Variants in TTLL5 observed in about 807,000 individuals in gnomAD.
TTLL5 encodes tubulin tyrosine ligase like 5.
Under a neutral mutation model 168.4 loss-of-function variants are expected in TTLL5, and 132 were observed. The ratio of observed to expected loss-of-function variants is 0.78; its 90% CI spans 0.68 to 0.91. The LOEUF is 0.91. TTLL5 is among the 40% of genes least tolerant of loss of function. The pLI is 0.00. For missense variants in TTLL5, 1,545 were observed against 1,581.5 expected (o/e 0.98, Z 0.39); for synonymous variants, 546 against 558.6 (o/e 0.98, Z 0.32).
At chr14:75,752,181 T>A (rs1889995848) in intron 17 of TTLL5, among the ~76,000 whole-genome samples, 1 of 152,228 alleles carries the variant, frequency 6.6e-6, no homozygotes, top group Non-Finnish European at 1.5e-5. Context: ...ACAGACCTCC[T>A]GTCTCATCCT....
intron 31 of TTLL5, among the ~76,000 whole-genome samples, chr14:75,925,386 C>G (rs1186668516): frequency 1.8e-5 from 2 of 112,974 alleles, no homozygotes; most frequent in South Asian, 6.2e-4. Context: ...GGGTCGCGAC[C>G]GGGCAGAGGC....
chr14:75,880,854 C>T lies in TTLL5; in HGVS notation c.3523-1831C>T, dbSNP rs1019910716. 2.0e-5 allele frequency among the ~76,000 whole-genome samples: 3 copies of T among 152,330 alleles called. No individual in the cohort carries two copies. The East Asian group carries it at 5.8e-4, about 29-fold the overall frequency. On this transcript the variant is annotated intron_variant, in intron 29 of 31. Coordinates refer to ENST00000298832, the MANE Select transcript of TTLL5 (RefSeq NM_015072.5). ...CCATCCGGAAACCTCCCCATGTGTA[C>T]ATGCTCAACAGTGCTGCCCTCCTGG... is the stretch of plus-strand genomic sequence containing the variant.
At chr14:75,676,912 T>A (rs1239310002) in intron 3 of TTLL5, among the ~76,000 whole-genome samples, 1 of 152,028 alleles carries the variant, frequency 6.6e-6, no homozygotes, top group African/African-American at 2.4e-5. Flanking sequence ...TAGCTTGGAC[T>A]AGAGACATGT....
chr14:75,837,020 A>T (rs2139828732), intron 28 of TTLL5: 1 of 152,316 alleles, frequency 6.6e-6, no homozygotes, highest in East Asian at 1.9e-4. Flanking sequence ...AATAATAAAC[A>T]TTTATTATTT....
chr14:75,947,462 T>C (rs1173146571), intron 31 of TTLL5, among the ~76,000 whole-genome samples: 1 of 152,242 alleles, frequency 6.6e-6, no homozygotes, highest in Admixed American at 6.5e-5. Flanking sequence ...TCTCGTCAAC[T>C]TACTTTAACT....
chr14:75,706,404 G>A (rs957842136), intron 7 of TTLL5, among the ~76,000 whole-genome samples: 4 of 152,322 alleles, frequency 2.6e-5, no homozygotes, highest in Middle Eastern at 3.4e-3. Context: ...CATATGCAGT[G>A]TCCACAGTAC....
intron 27 of TTLL5, among the ~76,000 whole-genome samples, chr14:75,813,613 T>C (rs1316648544): frequency 1.3e-5 from 2 of 152,156 alleles, no homozygotes; most frequent in Non-Finnish European, 2.9e-5. Context: ...CAAACTGTTT[T>C]TGAATTTAGC....
intron 17 of TTLL5, among the ~76,000 whole-genome samples, chr14:75,746,343 G>A (rs1889609440): frequency 6.6e-6 from 1 of 152,130 alleles, no homozygotes; most frequent in Admixed American, 6.5e-5. Flanking sequence ...CATTTGGGTT[G>A]TGTTCAGTTA....
chr14:75,797,898 G>A (rs1437072195), intron 27 of TTLL5, among the ~76,000 whole-genome samples: 2 of 152,044 alleles, frequency 1.3e-5, no homozygotes, highest in Non-Finnish European at 2.9e-5. Context: ...ATATTGGTCT[G>A]TAGTTTTCTT....
chr14:75,665,364 C>T (rs543438389), intron 2 of TTLL5, among the ~76,000 whole-genome samples: 2 of 152,122 alleles, frequency 1.3e-5, no homozygotes, highest in East Asian at 1.9e-4. Context: ...AATCATAGGT[C>T]GGGGGTACTG....
At chr14:75,910,103 G>A (rs901621874) in intron 31 of TTLL5, among the ~76,000 whole-genome samples, 1 of 152,208 alleles carries the variant, frequency 6.6e-6, no homozygotes, top group African/African-American at 2.4e-5. Flanking sequence ...TAAGAGATAG[G>A]CTATGGAGGA....
chr14:75,810,891 T>C (rs1380554973), intron 27 of TTLL5, among the ~76,000 whole-genome samples: 2 of 152,074 alleles, frequency 1.3e-5, no homozygotes, highest in Non-Finnish European at 2.9e-5. Flanking sequence ...CAAGCAAAAA[T>C]CCTCTCTAAA....
At chr14:75,865,452 T>C (rs2030439631) in intron 29 of TTLL5, among the ~76,000 whole-genome samples, 2 of 152,058 alleles carry the variant, frequency 1.3e-5, no homozygotes, top group South Asian at 4.2e-4. Flanking sequence ...CACAGAATAA[T>C]GTGTGCACCA....
intron 9 of TTLL5, 78 bp downstream of exon 9, chr14:75,707,785 G>A: frequency 1.7e-6 from 2 of 1,200,184 alleles, no homozygotes; most frequent in Non-Finnish European, 2.4e-6. Context: ...CCATTAACAA[G>A]TTTATTAAAT....
chr14:75,665,014 CTGAA>C (rs1382955149), intron 2 of TTLL5, among the ~76,000 whole-genome samples: 4 of 152,134 alleles, frequency 2.6e-5, no homozygotes. Context: ...TTCTTGCTGA[CTGAA>C]TAACGAAATG....
intron 28 of TTLL5, among the ~76,000 whole-genome samples, chr14:75,844,794 T>C (rs984788790): frequency 6.6e-6 from 1 of 152,214 alleles, no homozygotes; most frequent in African/African-American, 2.4e-5. Flanking sequence ...TTTTTTAGCC[T>C]TTTCATTGCA....
chr14:75,817,359 T>C (rs1273526597), intron 27 of TTLL5, among the ~76,000 whole-genome samples: 1 of 152,172 alleles, frequency 6.6e-6, no homozygotes, highest in South Asian at 2.1e-4. Flanking sequence ...AAGTCATATA[T>C]GGCCGGTGAG....
chr14:75,783,875 C>G (rs1199448400), intron 26 of TTLL5, among the ~76,000 whole-genome samples: 1 of 152,070 alleles, frequency 6.6e-6, no homozygotes, highest in Non-Finnish European at 1.5e-5. Flanking sequence ...ATAGTTATTC[C>G]CAACATCAGA....
chr14:75,890,022 AAAAG>A (rs1338056289), intron 30 of TTLL5, among the ~76,000 whole-genome samples: 4 of 152,168 alleles, frequency 2.6e-5, no homozygotes, highest in Admixed American at 1.3e-4. Context: ...TGAAAGATGA[AAAAG>A]AAATTAACCA....
Sources: gnomAD v4.1 joint callset for allele counts (sites outside exome capture counted in the v4.1 genomes callset) on GRCh38, gnomAD v4.1.1 for gene constraint, MANE v1.5 for transcripts, NCBI Gene and HGNC (gene_info 2026-07-23, HGNC 2026-07-21) for gene names.